CEP135: variants seen among roughly 807,000 people sequenced by gnomAD.
The protein encoded by CEP135 is centrosomal protein 135.
A neutral mutation model predicts 157.3 loss-of-function variants in CEP135; 142 were observed. The ratio of observed to expected loss-of-function variants is 0.90; its 90% confidence interval spans 0.79 to 1.04. The LOEUF (loss-of-function observed/expected upper bound fraction) is 1.04, where lower values mean the gene tolerates loss of function less well. Ranked by LOEUF, CEP135 falls within the 50% of genes least tolerant of loss-of-function variation. The pLI is 0.00. For missense variants in CEP135, 1,317 were observed against 1,309.2 expected, an observed-to-expected ratio of 1.01 and a Z score of -0.09; for synonymous variants, 396 against 439.8, an observed-to-expected ratio of 0.90 and a Z score of 1.25.
intron 5 of CEP135, among the ~76,000 whole-genome samples, chr4:55,959,306 G>A (rs1728605178): frequency 6.6e-6 from 1 of 152,204 alleles, no homozygotes; most frequent in African/African-American, 2.4e-5. Context: ...GTTAGGGTCA[G>A]AAAACACATT....
intron 9 of CEP135, among the ~76,000 whole-genome samples, chr4:55,970,119 G>A (rs993027949): frequency 1.3e-5 from 2 of 149,836 alleles, no homozygotes; most frequent in South Asian, 2.1e-4. Context: ...TGATTCTCCC[G>A]CCCCGGCCTC....
chr4:56,000,218 G>A (rs1011596388), intron 17 of CEP135, among the ~76,000 whole-genome samples: 1 of 152,062 alleles, frequency 6.6e-6, no homozygotes, highest in Non-Finnish European at 1.5e-5. Flanking sequence ...AAAAGTTTAT[G>A]TACTTTTATT....
intron 11 of CEP135, 65 bp from the exon 12 acceptor site, chr4:55,980,078 A>G (rs1292095308): frequency 4.6e-6 from 6 of 1,292,928 alleles, no homozygotes; most frequent in Non-Finnish European, 6.6e-6. Flanking sequence ...AGTCAATCTC[A>G]TCATCAGTAT....
chr4:55,971,588 G>C (rs557015750), intron 10 of CEP135, among the ~76,000 whole-genome samples, 180 bp downstream of exon 10: 2 of 152,014 alleles, frequency 1.3e-5, no homozygotes, highest in Non-Finnish European at 1.5e-5. Context: ...AAGGACCTTA[G>C]AATTTTTATG....
chr4:56,002,711 T>C (rs748114923), intron 17 of CEP135, among the ~76,000 whole-genome samples: 1 of 152,162 alleles, frequency 6.6e-6, no homozygotes, highest in Non-Finnish European at 1.5e-5. Flanking sequence ...TTTTTTGTTG[T>C]GTTTTTGGTA....
At position 56,032,456 on chromosome 4, in the gene CEP135, A is replaced by G. The variant is rs1307955737; in HGVS notation, c.*1108A>G. On this transcript the variant is annotated 3_prime_UTR_variant, in exon 26 of 26. Transcript: ENST00000257287. ...TAACACTCTGTCTCAGAAAAAAAAA[A>G]AAAGAAAAATATATGGGGTAAATAC... The G allele has an allele frequency of 6.6e-6, 1 of 152,088 alleles. No individual in the cohort carries two copies. Among genetic ancestry groups the G allele is most frequent in the African/African-American group, 2.4e-5 (1 of 41,414 alleles). 9.4% of individuals were successfully genotyped at this position (152,088 alleles called of 1,614,324 possible).
intron 14 of CEP135, among the ~76,000 whole-genome samples, chr4:55,991,044 C>T (rs1482132606): frequency 6.6e-6 from 1 of 151,842 alleles, no homozygotes; most frequent in African/African-American, 2.4e-5. Context: ...GGCGTGATCT[C>T]GGCTCACTGC....
At chr4:56,026,996 T>C (rs1731178175) in intron 25 of CEP135, among the ~76,000 whole-genome samples, 1 of 152,224 alleles carries the variant, frequency 6.6e-6, no homozygotes, top group Admixed American at 6.5e-5. Flanking sequence ...TATGTGCTAT[T>C]CTTTGACGTA....
chr4:56,008,154 G>A (rs1010603130), intron 17 of CEP135, among the ~76,000 whole-genome samples, 173 bp from the exon 18 acceptor site: 1 of 152,190 alleles, frequency 6.6e-6, no homozygotes, highest in Non-Finnish European at 1.5e-5. Flanking sequence ...GTCAAAACAT[G>A]CCAGTATGTG....
intron 17 of CEP135, 50 bp from the exon 18 acceptor site, chr4:56,008,277 G>A: frequency 7.5e-7 from 1 of 1,327,294 alleles, no homozygotes; most frequent in Non-Finnish European, 1.1e-6. Flanking sequence ...CATAAATTTA[G>A]CTAAAGACAT....
At chr4:56,029,766 A>G (rs1731278574) in intron 25 of CEP135, among the ~76,000 whole-genome samples, 1 of 152,146 alleles carries the variant, frequency 6.6e-6, no homozygotes, top group Non-Finnish European at 1.5e-5. Context: ...AACAGAGAAA[A>G]CATACAGTAA....
chr4:55,976,739 TG>T (rs796903796), intron 11 of CEP135, among the ~76,000 whole-genome samples: 62 of 152,262 alleles, frequency 4.1e-4, no homozygotes, highest in African/African-American at 1.5e-3. Context: ...CTGAATGAAA[TG>T]GGTGGGGTAT....
At chr4:55,971,496 C>A in intron 10 of CEP135, 88 bp downstream of exon 10, 1 of 1,259,800 alleles carries the variant, frequency 7.9e-7, no homozygotes, top group Non-Finnish European at 1.1e-6. Context: ...TTCATTCATT[C>A]ATTCAATAAA....
chr4:55,971,979 C>T (rs769078817), intron 10 of CEP135, among the ~76,000 whole-genome samples: 1 of 151,938 alleles, frequency 6.6e-6, no homozygotes, highest in Non-Finnish European at 1.5e-5. Context: ...GGTGAAACCC[C>T]GTCTCCACTA....
Position 55,985,019 on chromosome 4 carries a change from AAATG to A in CEP135, c.1780-258_1780-255del, listed in dbSNP as rs559793730. ...TGGATTAATCTGTATAAATCTTTAT[AAATG>A]AATCCTTACTAATCTATGTCTTCTA... On this transcript the variant is annotated intron_variant, in intron 13 of 25. Coordinates refer to ENST00000257287, the MANE Select transcript of CEP135 (RefSeq NM_025009.5). 2.1e-3 allele frequency among the ~76,000 whole-genome samples: 324 copies of A among 152,376 alleles called. 4 individuals are homozygous for A. Among genetic ancestry groups the A allele is most frequent in the African/African-American group, 7.6e-3 (316 of 41,590 alleles).
chr4:55,974,914 G>C lies in CEP135; in HGVS notation c.1418G>C (p.Cys473Ser), dbSNP rs909435419. ...CAACATATAATACAGCGAAGATCTTGCTCTACAAGTTATAGCGCACGTGAA... is the reference window on the plus strand; with the variant it reads ...CAACATATAATACAGCGAAGATCTTCCTCTACAAGTTATAGCGCACGTGAA... ...RLQHIIQRRSCSTSYSAREKS... is the reference protein window; with the variant it reads ...RLQHIIQRRSSSTSYSAREKS... Residue 473 changes from cysteine to serine, a missense_variant, in exon 11 of 26, where the codon TGC becomes TCC. By Grantham distance (112) the Cys-to-Ser change is moderately radical. Transcript: ENST00000257287. 1 of 1,612,910 alleles carries C rather than the reference G, an allele frequency of 6.2e-7. No individual in the cohort carries two copies. Among genetic ancestry groups the C allele is most frequent in the East Asian group, 2.2e-5 (1 of 44,812 alleles).
chr4:56,011,553 A>G, intron 20 of CEP135, 31 bp downstream of exon 20: 6 of 1,445,710 alleles, frequency 4.2e-6, no homozygotes, highest in Non-Finnish European at 5.7e-6. Flanking sequence ...TGGATTTAAG[A>G]CTGAGGTTTT....
intron 23 of CEP135, 50 bp downstream of exon 23, chr4:56,019,605 G>GT (rs772600925): frequency 3.7e-5 from 55 of 1,488,286 alleles, no homozygotes; most frequent in Non-Finnish European, 5.0e-5. Flanking sequence ...GTGAAGGATA[G>GT]TTTTTTAATT....
At chr4:56,020,872 C>G (rs1730952627) in intron 24 of CEP135, 92 bp downstream of exon 24, 3 of 944,168 alleles carry the variant, frequency 3.2e-6, no homozygotes, top group Non-Finnish European at 4.8e-6. Context: ...AAATAACAAA[C>G]TTTTTAAAAA....
Sources: gnomAD v4.1 joint callset for allele counts (sites outside exome capture counted in the v4.1 genomes callset) on GRCh38, gnomAD v4.1.1 for gene constraint, MANE v1.5 for transcripts, NCBI Gene and HGNC (gene_info 2026-07-23, HGNC 2026-07-21) for gene names.